CAMK1D: variants seen among roughly 807,000 people sequenced by gnomAD.
CAMK1D encodes the protein calcium/calmodulin-dependent protein kinase type 1D.
Under a neutral mutation model 47.7 loss-of-function variants are expected in CAMK1D, and 9 were observed. That is an observed-to-expected ratio of 0.19 (90% CI 0.11 to 0.33). The LOEUF is 0.33. Ranked by LOEUF, CAMK1D falls within the 10% of genes least tolerant of loss-of-function variation. The pLI is 1.00. For missense variants in CAMK1D, 291 were observed against 488.7 expected (o/e 0.60, Z 3.81); for synonymous variants, 184 against 184.9 (o/e 0.99, Z 0.04).
rs1838113826 is a variant in CAMK1D, at chr10:12,595,342, G to GAAAAAAAAACAAAAAA, written c.224+41995_224+41996insCAAAAAAAAAAAAAAA. On this transcript the variant is annotated intron_variant, in intron 2 of 10. Coordinates refer to ENST00000619168, the MANE Select transcript of CAMK1D (RefSeq NM_153498.4). ...GGGCAACAAGAGTGAAACTCCATCT[G>GAAAAAAAAACAAAAAA]AAAAAAAAAAAAAAAAAAAAAAGGA... 8.5e-5 allele frequency among the ~76,000 whole-genome samples: 2 copies of GAAAAAAAAACAAAAAA among 23,554 alleles called. 1 individual carries two copies. The highest frequency in any genetic ancestry group is 1.4e-4 in the Non-Finnish European group (2 of 14,356). The allele number at this position is 23,554 out of a possible 152,430, so 15.5% of individuals were successfully genotyped here. A position where few individuals can be genotyped will look rare whatever the true frequency, so the allele number is the denominator to read the frequency against.
chr10:12,780,498 C>T (rs1050946174), intron 5 of CAMK1D, among the ~76,000 whole-genome samples: 1 of 152,072 alleles, frequency 6.6e-6, no homozygotes, highest in Non-Finnish European at 1.5e-5. Context: ...GGATACTGGC[C>T]ATCATTGTTC....
At chr10:12,502,474 C>G (rs749286584) in intron 1 of CAMK1D, among the ~76,000 whole-genome samples, 10 of 152,154 alleles carry the variant, frequency 6.6e-5, no homozygotes, top group Non-Finnish European at 1.3e-4. Flanking sequence ...AGGACCTGGC[C>G]TCTACTGACC....
intron 3 of CAMK1D, among the ~76,000 whole-genome samples, chr10:12,690,632 T>G (rs1832840224): frequency 6.6e-6 from 1 of 152,144 alleles, no homozygotes; most frequent in Non-Finnish European, 1.5e-5. Flanking sequence ...ACGCACAGTT[T>G]GTGTGCAGTC....
At chr10:12,828,672 C>T in intron 10 of CAMK1D, 97 bp from the exon 11 acceptor site, 2 of 937,516 alleles carry the variant, frequency 2.1e-6, no homozygotes, top group East Asian at 2.7e-5. Flanking sequence ...CCCCCCGCCC[C>T]CCACCATAAA....
intron 2 of CAMK1D, among the ~76,000 whole-genome samples, chr10:12,637,985 A>G (rs983155189): frequency 2.0e-5 from 3 of 152,068 alleles, no homozygotes; most frequent in African/African-American, 7.2e-5. Flanking sequence ...GCCTCATCCT[A>G]TCCCCACCCT....
At chr10:12,482,150 C>G (rs368268519) in intron 1 of CAMK1D, among the ~76,000 whole-genome samples, 23 of 152,276 alleles carry the variant, frequency 1.5e-4, no homozygotes, top group South Asian at 1.0e-3. Flanking sequence ...CTCTTTAATC[C>G]TCTTAGCTTG....
intron 3 of CAMK1D, among the ~76,000 whole-genome samples, chr10:12,755,855 A>T (rs4132049): frequency 0.23 from 35,578 of 152,048 alleles, 4,316 homozygotes; most frequent in Non-Finnish European, 0.27. Context: ...TCTTCCCCTT[A>T]GGACTAAACA....
Position 12,554,834 on chromosome 10 carries a change from G to T in CAMK1D, c.224+1478G>T, listed in dbSNP as rs1391499151. On this transcript the variant is annotated intron_variant, in intron 2 of 10. Transcript: ENST00000619168. ...GCTGGGATTATAGGCATGAGCCATG[G>T]CGCCTGGCTCCCAGAACCATTCTGA... is the stretch of plus-strand genomic sequence containing the variant. 2.0e-5 allele frequency among the ~76,000 whole-genome samples: 3 copies of T among 152,208 alleles called. No homozygotes were observed. The East Asian group carries it at 5.8e-4, about 29-fold the overall frequency.
chr10:12,639,357 C>T (rs971263821), intron 2 of CAMK1D, among the ~76,000 whole-genome samples: 22 of 152,092 alleles, frequency 1.4e-4, no homozygotes, highest in African/African-American at 5.3e-4. Flanking sequence ...TGGTGGTGGG[C>T]GCCTGTAATC....
At chr10:12,701,765 C>T (rs1363506383) in intron 3 of CAMK1D, among the ~76,000 whole-genome samples, 5 of 152,152 alleles carry the variant, frequency 3.3e-5, no homozygotes, top group South Asian at 2.1e-4. Flanking sequence ...TTCTTTTCTC[C>T]GAGAGTGGTT....
At chr10:12,397,563 G>T (rs1366549222) in intron 1 of CAMK1D, among the ~76,000 whole-genome samples, 1 of 152,144 alleles carries the variant, frequency 6.6e-6, no homozygotes, top group Admixed American at 6.5e-5. Flanking sequence ...TTCCTCTTCC[G>T]CTGTGCCGTC....
chr10:12,672,571 A>G (rs1408731962), intron 3 of CAMK1D, among the ~76,000 whole-genome samples: 3 of 151,748 alleles, frequency 2.0e-5, no homozygotes, highest in East Asian at 2.0e-4. Flanking sequence ...GGGTTTCACC[A>G]TGTTGGCCAG....
chr10:12,371,031 C>T (rs1182322458), intron 1 of CAMK1D, among the ~76,000 whole-genome samples: 1 of 151,928 alleles, frequency 6.6e-6, no homozygotes, highest in East Asian at 1.9e-4. Flanking sequence ...GCTGTTATTA[C>T]AAGAGTCAAA....
At chr10:12,622,722 G>A (rs1186650631) in intron 2 of CAMK1D, among the ~76,000 whole-genome samples, 4 of 152,150 alleles carry the variant, frequency 2.6e-5, no homozygotes, top group South Asian at 2.1e-4. Flanking sequence ...GCCCTGGAGC[G>A]GCCCGGGAGG....
At chr10:12,673,770 G>GA (rs1282832904) in intron 3 of CAMK1D, among the ~76,000 whole-genome samples, 1 of 152,082 alleles carries the variant, frequency 6.6e-6, no homozygotes, top group East Asian at 1.9e-4. Context: ...AGTATAAAAA[G>GA]AAAAAAGCAA....
chr10:12,731,830 T>G (rs1832859579), intron 3 of CAMK1D, among the ~76,000 whole-genome samples: 1 of 152,078 alleles, frequency 6.6e-6, no homozygotes, highest in Admixed American at 6.6e-5. Flanking sequence ...GAGAGGAGGC[T>G]GCTTGATGGT....
intron 2 of CAMK1D, among the ~76,000 whole-genome samples, chr10:12,586,672 T>G (rs539816100): frequency 1.3e-5 from 2 of 152,224 alleles, no homozygotes; most frequent in South Asian, 4.1e-4. Flanking sequence ...ACCCTCCTGC[T>G]GCCCCCTCAC....
At chr10:12,652,876 G>A (rs1174165491) in intron 2 of CAMK1D, among the ~76,000 whole-genome samples, 2 of 152,206 alleles carry the variant, frequency 1.3e-5, no homozygotes, top group Non-Finnish European at 2.9e-5. Context: ...AAAACATGCT[G>A]CTCTTTTTAA....
chr10:12,734,642 C>T (rs1010646271), intron 3 of CAMK1D, among the ~76,000 whole-genome samples: 1 of 150,746 alleles, frequency 6.6e-6, no homozygotes, highest in Non-Finnish European at 1.5e-5. Context: ...TAGAAAAATC[C>T]CAGAGCTGTG....
Sources: allele counts gnomAD v4.1 joint callset (sites outside exome capture counted in the v4.1 genomes callset), GRCh38; gene constraint gnomAD v4.1.1; transcripts MANE v1.5; gene names NCBI Gene and HGNC (gene_info 2026-07-23, HGNC 2026-07-21).